LARP4B: variants seen among roughly 807,000 people sequenced by gnomAD.
The protein encoded by LARP4B is La ribonucleoprotein 4B.
LARP4B carries 12 observed loss-of-function variants against 89.8 expected under a neutral mutation model. The observed-to-expected ratio is 0.13, with a 90% CI of 0.09 to 0.22. The LOEUF is 0.22. Among genes scored for constraint, LARP4B ranks in the 10% least tolerant of loss-of-function variants. The pLI, the probability that LARP4B is intolerant of heterozygous loss-of-function variation, is 1.00. For missense variants in LARP4B, 757 were observed against 947.7 expected (o/e 0.80, Z 2.64); for synonymous variants, 367 against 363.3 (o/e 1.01, Z -0.12).
intron 2 of LARP4B, 31 bp from the exon 3 acceptor site, chr10:884,537 T>C (rs771432706): frequency 1.4e-6 from 2 of 1,416,924 alleles, no homozygotes; most frequent in South Asian, 1.2e-5. Flanking sequence ...ACAACATCAG[T>C]ACAATGTTTA....
chr10:965,349 G>A, the LARP4B span, among the ~76,000 whole-genome samples: 5 of 152,174 alleles, frequency 3.3e-5, no homozygotes, highest in Admixed American at 3.3e-4. Context: ...GGACTCTGAG[G>A]CCCCCAAGGC....
At chr10:816,808 T>G (rs141001901) in intron 15 of LARP4B, among the ~76,000 whole-genome samples, 3 of 152,334 alleles carry the variant, frequency 2.0e-5, no homozygotes, top group African/African-American at 7.2e-5. Flanking sequence ...CTGGCTTTCA[T>G]TGTAAAGATA....
At chr10:830,618 A>G (rs1359014074) in intron 9 of LARP4B, among the ~76,000 whole-genome samples, 6 of 152,204 alleles carry the variant, frequency 3.9e-5, no homozygotes. Flanking sequence ...GAAGAACAAA[A>G]CTGATTTTCC....
chr10:817,849 G>A lies in LARP4B; in HGVS notation c.1571C>T (p.Ser524Leu). ...GGACAGCCCCAGCTCGAAGCTTGGC[G>A]ACGGAGGCTTTGGTGGCGTTGGAGA... Reference protein sequence around the residue: ...TQSPTPPKPPSPSFELGLSSF... With the variant: ...TQSPTPPKPPLPSFELGLSSF... Residue 524 changes from serine (S) to leucine (L), a missense_variant, in exon 15 of 18, where the codon TCG (serine) becomes TTG (leucine). Transcript: ENST00000316157. 7 of 1,614,168 alleles carry A rather than the reference G, an allele frequency of 4.3e-6. No individual in the cohort carries two copies. The highest frequency in any genetic ancestry group is 2.2e-5 in the East Asian group (1 of 44,888).
At chr10:982,310 T>TCGAA in the LARP4B span, among the ~76,000 whole-genome samples, 1 of 152,132 alleles carries the variant, frequency 6.6e-6, no homozygotes, top group South Asian at 2.1e-4. Flanking sequence ...CAGGCTGGTC[T>TCGAA]CGAACTCCTG....
At chr10:856,684 T>C (rs1588918135) in intron 5 of LARP4B, among the ~76,000 whole-genome samples, 1 of 152,214 alleles carries the variant, frequency 6.6e-6, no homozygotes, top group African/African-American at 2.4e-5. Flanking sequence ...TTGTGACTTA[T>C]ACTTTCTGGA....
intron 12 of LARP4B, 61 bp from the exon 13 acceptor site, chr10:825,377 G>T: frequency 6.6e-7 from 1 of 1,513,842 alleles, no homozygotes; most frequent in Non-Finnish European, 9.1e-7. Context: ...TACATAACAT[G>T]CATACTGACA....
At chr10:862,073 G>A (rs1834640392) in intron 5 of LARP4B, among the ~76,000 whole-genome samples, 2 of 152,038 alleles carry the variant, frequency 1.3e-5, no homozygotes, top group Non-Finnish European at 2.9e-5. Context: ...AAATTACATT[G>A]CTGAATACTG....
At chr10:942,229 G>A in the LARP4B span, 1 of 152,204 alleles carries the variant, frequency 6.6e-6, no homozygotes, top group Non-Finnish European at 1.5e-5. Flanking sequence ...GACAGCTCAG[G>A]AATGGAAGAG....
At chr10:827,472 T>C (rs1339787490) in intron 11 of LARP4B, among the ~76,000 whole-genome samples, 1 of 152,200 alleles carries the variant, frequency 6.6e-6, no homozygotes, top group Non-Finnish European at 1.5e-5. Flanking sequence ...TGATTATTAA[T>C]GCGTTCCTAT....
the LARP4B span, among the ~76,000 whole-genome samples, chr10:938,641 T>C: frequency 6.6e-6 from 1 of 152,202 alleles, no homozygotes; most frequent in Non-Finnish European, 1.5e-5. Context: ...GGGGTTAAGA[T>C]ATCTGCAAGT....
chr10:933,859 C>T (rs1351775010), upstream of LARP4B, among the ~76,000 whole-genome samples: 1 of 150,940 alleles, frequency 6.6e-6, no homozygotes, highest in Non-Finnish European at 1.5e-5. Flanking sequence ...TTGAGACTGA[C>T]TCTCCCTCTG....
At chr10:949,574 G>A in the LARP4B span, among the ~76,000 whole-genome samples, 2 of 152,264 alleles carry the variant, frequency 1.3e-5, no homozygotes, top group African/African-American at 4.8e-5. Flanking sequence ...CCCCGGGTGA[G>A]TGATCTGCTC....
At chr10:932,351 C>G (rs1323726168), upstream of LARP4B, among the ~76,000 whole-genome samples, 7 of 143,580 alleles carry the variant, frequency 4.9e-5, no homozygotes, top group African/African-American at 1.6e-4. Flanking sequence ...GCCCCGAACT[C>G]CCACCCCACA....
chr10:895,459 G>A (rs550309600), intron 1 of LARP4B, among the ~76,000 whole-genome samples: 32 of 151,738 alleles, frequency 2.1e-4, no homozygotes, highest in African/African-American at 7.0e-4. Flanking sequence ...AACACTTTGG[G>A]AGACAAGGTA....
chr10:891,942 T>G (rs1433895139), intron 1 of LARP4B, among the ~76,000 whole-genome samples: 1 of 152,248 alleles, frequency 6.6e-6, no homozygotes, highest in African/African-American at 2.4e-5. Flanking sequence ...GACAGCTGTT[T>G]CAATAAATAA....
rs1298518302 is a variant in LARP4B, at chr10:895,207, T to A, written c.-39-9447A>T. Reference sequence around the variant, plus strand: ...TCTCAAAAAATAAAATAAAATAACGTAAAATAAAATAAAATAAAAAATAAA... The same window carrying A: ...TCTCAAAAAATAAAATAAAATAACGAAAAATAAAATAAAATAAAAAATAAA... On this transcript the variant is annotated intron_variant, in intron 1 of 17. Coordinates refer to ENST00000316157, the MANE Select transcript of LARP4B (RefSeq NM_015155.3). Among the ~76,000 whole-genome samples the A allele has an allele frequency of 2.0e-5, 3 of 150,558 alleles. No homozygotes were observed. In the East Asian group the frequency reaches 5.9e-4, roughly 29 times the overall value.
chr10:836,830 G>A (rs1383382490), intron 7 of LARP4B, among the ~76,000 whole-genome samples: 1 of 152,156 alleles, frequency 6.6e-6, no homozygotes, highest in Non-Finnish European at 1.5e-5. Flanking sequence ...ACTTGTTTCT[G>A]TGTGCCCTTC....
the LARP4B span, among the ~76,000 whole-genome samples, chr10:941,247 C>A: frequency 6.6e-6 from 1 of 152,208 alleles, no homozygotes; most frequent in Non-Finnish European, 1.5e-5. Flanking sequence ...AGTCCTTCTC[C>A]AACCCCCATT....
Sources: gnomAD v4.1 joint callset for allele counts (sites outside exome capture counted in the v4.1 genomes callset) on GRCh38, gnomAD v4.1.1 for gene constraint, MANE v1.5 for transcripts, NCBI Gene and HGNC (gene_info 2026-07-23, HGNC 2026-07-21) for gene names.